The following SOX5 variants were observed in gnomAD, a reference collection of about 807,000 sequenced individuals.
SOX5 encodes transcription factor SOX-5.
SOX5 carries 9 observed loss-of-function variants against 92.0 expected under a neutral mutation model. The observed-to-expected ratio is 0.10, with a 90% CI of 0.06 to 0.17. The LOEUF (loss-of-function observed/expected upper bound fraction) is 0.17, where lower values mean the gene tolerates loss of function less well. Ranked by LOEUF, SOX5 falls within the 10% of genes least tolerant of loss-of-function variation. The pLI is 1.00. For synonymous variants in SOX5, 344 were observed against 336.3 expected, an observed-to-expected ratio of 1.02 and a Z score of -0.25; for missense variants, 642 against 944.5, an observed-to-expected ratio of 0.68 and a Z score of 4.20.
At chr12:23,774,367 G>GT (rs2095033961) in intron 3 of SOX5, among the ~76,000 whole-genome samples, 1 of 152,126 alleles carries the variant, frequency 6.6e-6, no homozygotes, top group South Asian at 2.1e-4. Flanking sequence ...GGTTATAATT[G>GT]TAAGTGGCAC....
chr12:24,539,935 TAAGAA>T (rs1332443320), intron 1 of SOX5, among the ~76,000 whole-genome samples: 1 of 152,100 alleles, frequency 6.6e-6, no homozygotes, highest in African/African-American at 2.4e-5. Context: ...TACTGATGGC[TAAGAA>T]AATAATTACT....
At position 24,098,450 on chromosome 12, in the gene SOX5, C is replaced by A. The variant is rs377642138; in HGVS notation, c.-2+114893G>T. ...GCTTGGAAATTAGTATCAAGTTGAC[C>A]CTTTAACTGAGTTGATTTACCCGCC... On this transcript the variant is annotated intron_variant, in intron 4 of 4. Transcript: ENST00000446891. 1.4e-3 allele frequency among the ~76,000 whole-genome samples: 220 copies of A among 152,158 alleles called. 6 individuals carry two copies. In the South Asian group the frequency reaches 0.043, roughly 30 times the overall value.
At chr12:24,058,367 C>G (rs1227160310) in intron 4 of SOX5, among the ~76,000 whole-genome samples, 3 of 152,216 alleles carry the variant, frequency 2.0e-5, no homozygotes, top group Non-Finnish European at 2.9e-5. Context: ...ATTAAAAGCT[C>G]TGTTTTCTGA....
chr12:23,924,796 C>T (rs1384082843), intron 1 of SOX5, among the ~76,000 whole-genome samples: 1 of 151,996 alleles, frequency 6.6e-6, no homozygotes, highest in Non-Finnish European at 1.5e-5. Flanking sequence ...ATACTTGACA[C>T]TTCAACAAGG....
At chr12:24,344,619 C>T (rs1953005340) in intron 2 of SOX5, among the ~76,000 whole-genome samples, 1 of 152,098 alleles carries the variant, frequency 6.6e-6, no homozygotes, top group Admixed American at 6.5e-5. Context: ...TCGTTCTCAC[C>T]AGTGATGAGA....
chr12:24,469,288 G>A (rs555883997), intron 1 of SOX5, among the ~76,000 whole-genome samples: 12 of 152,200 alleles, frequency 7.9e-5, no homozygotes, highest in South Asian at 2.1e-4. Context: ...GATGGGGAGC[G>A]GCTTGCTCAC....
At chr12:23,788,824 C>A (rs906590586) in intron 3 of SOX5, among the ~76,000 whole-genome samples, 1 of 151,768 alleles carries the variant, frequency 6.6e-6, no homozygotes, top group Non-Finnish European at 1.5e-5. Flanking sequence ...ATACCATGTG[C>A]CACACAGCAT....
At chr12:24,384,773 T>G (rs1958205864) in intron 1 of SOX5, among the ~76,000 whole-genome samples, 1 of 152,162 alleles carries the variant, frequency 6.6e-6, no homozygotes, top group South Asian at 2.1e-4. Context: ...TGGGAATGTG[T>G]TGCCCCTCAA....
intron 1 of SOX5, among the ~76,000 whole-genome samples, chr12:24,385,475 T>C (rs1254516674): frequency 1.3e-5 from 2 of 152,140 alleles, no homozygotes; most frequent in Non-Finnish European, 2.9e-5. Context: ...CATAACCCCA[T>C]TGTATGTCGG....
intron 1 of SOX5, among the ~76,000 whole-genome samples, chr12:24,446,412 A>G (rs1024283532): frequency 1.3e-5 from 2 of 152,184 alleles, no homozygotes; most frequent in African/African-American, 2.4e-5. Context: ...GAGAGGCCCA[A>G]TGTTTGAAAG....
intron 1 of SOX5, among the ~76,000 whole-genome samples, chr12:24,426,436 AC>A (rs1285517781): frequency 9.2e-5 from 14 of 152,260 alleles, no homozygotes; most frequent in Non-Finnish European, 1.8e-4. Context: ...CACGTTGTGC[AC>A]ATGCACCCTA....
intron 1 of SOX5, among the ~76,000 whole-genome samples, chr12:24,402,249 T>C (rs1181183045): frequency 6.6e-6 from 1 of 152,190 alleles, no homozygotes; most frequent in Non-Finnish European, 1.5e-5. Flanking sequence ...TGGTAATAGA[T>C]AACAAAATCC....
At chr12:24,449,989 C>G (rs554112817) in intron 1 of SOX5, among the ~76,000 whole-genome samples, 1 of 152,262 alleles carries the variant, frequency 6.6e-6, no homozygotes, top group Non-Finnish European at 1.5e-5. Context: ...AATCCTAAGA[C>G]TACCTTTCTT....
chr12:24,365,086 G>T (rs185819756), intron 2 of SOX5, among the ~76,000 whole-genome samples: 46 of 152,144 alleles, frequency 3.0e-4, no homozygotes, highest in Admixed American at 6.5e-4. Context: ...CATTTTTCTG[G>T]TTCAAAAGTT....
chr12:23,781,922 T>C (rs1362912056), intron 3 of SOX5, among the ~76,000 whole-genome samples: 3 of 152,092 alleles, frequency 2.0e-5, no homozygotes, highest in African/African-American at 7.2e-5. Flanking sequence ...ACTAACAGAA[T>C]ATAATAACTT....
intron 4 of SOX5, among the ~76,000 whole-genome samples, chr12:24,044,646 C>G (rs1199398847): frequency 6.6e-6 from 1 of 152,130 alleles, no homozygotes; most frequent in African/African-American, 2.4e-5. Context: ...CTGGCTATCT[C>G]CAAATATAAA....
At chr12:23,904,417 C>T (rs1458753647) in intron 1 of SOX5, among the ~76,000 whole-genome samples, 2 of 151,950 alleles carry the variant, frequency 1.3e-5, no homozygotes, top group Admixed American at 1.3e-4. Flanking sequence ...AGTAGAAACA[C>T]AGATTTCAAA....
intron 1 of SOX5, among the ~76,000 whole-genome samples, chr12:23,915,264 G>T (rs931271061): frequency 1.3e-5 from 2 of 152,058 alleles, no homozygotes; most frequent in Non-Finnish European, 2.9e-5. Flanking sequence ...CTTTGAAATT[G>T]AATTGAATAT....
chr12:24,148,688 TAAAAAAAAAAAA>T (rs398018872), intron 4 of SOX5, among the ~76,000 whole-genome samples: 2 of 70,952 alleles, frequency 2.8e-5, no homozygotes, highest in Non-Finnish European at 4.5e-5. Flanking sequence ...CCATCTCTAC[TAAAAAAAAAAAA>T]AAAAAAAAAA....
Sources: gnomAD v4.1 joint callset for allele counts (sites outside exome capture counted in the v4.1 genomes callset) on GRCh38, gnomAD v4.1.1 for gene constraint, MANE v1.5 for transcripts, NCBI Gene and HGNC (gene_info 2026-07-23, HGNC 2026-07-21) for gene names.